ZNF609: variants seen among roughly 807,000 people sequenced by gnomAD.
The protein encoded by ZNF609 is zinc finger protein 609.
A neutral mutation model predicts 109.5 loss-of-function variants in ZNF609; 11 were observed. That is an observed-to-expected ratio of 0.10 (90% confidence interval 0.06 to 0.17). The LOEUF is 0.17. ZNF609 is among the 10% of genes least tolerant of loss of function. The pLI is 1.00. For missense variants in ZNF609, 1,559 were observed against 1,772.4 expected (o/e 0.88, Z 2.16); for synonymous variants, 646 against 662.0 (o/e 0.98, Z 0.37).
intron 2 of ZNF609, among the ~76,000 whole-genome samples, chr15:64,571,292 TG>T (rs1894856419): frequency 6.6e-6 from 1 of 152,162 alleles, no homozygotes; most frequent in Non-Finnish European, 1.5e-5. Flanking sequence ...ATACTGCCAC[TG>T]ATCATGGTGA....
At chr15:64,493,735 C>T (rs1189678032) in intron 1 of ZNF609, among the ~76,000 whole-genome samples, 1 of 152,124 alleles carries the variant, frequency 6.6e-6, no homozygotes, top group Non-Finnish European at 1.5e-5. Flanking sequence ...TTGTTAAATG[C>T]CTTGTGGTCT....
intron 2 of ZNF609, among the ~76,000 whole-genome samples, chr15:64,508,878 G>A (rs200304566): frequency 2.1e-5 from 3 of 145,310 alleles, no homozygotes; most frequent in Non-Finnish European, 4.6e-5. Context: ...AATTTTTTTA[G>A]AGACGGGGTC....
intron 2 of ZNF609, among the ~76,000 whole-genome samples, chr15:64,518,053 A>G (rs1893839346): frequency 6.6e-6 from 1 of 152,168 alleles, no homozygotes; most frequent in African/African-American, 2.4e-5. Flanking sequence ...AAGTGCTGGG[A>G]TTACAAGCGT....
chr15:64,594,266 GT>G (rs1235223873), intron 2 of ZNF609, among the ~76,000 whole-genome samples: 1 of 151,864 alleles, frequency 6.6e-6, no homozygotes, highest in Non-Finnish European at 1.5e-5. Flanking sequence ...ACTATGTTTT[GT>G]TTTGTTTTTT....
chr15:64,556,156 AT>A (rs34788011), intron 2 of ZNF609, among the ~76,000 whole-genome samples: 126,817 of 147,368 alleles, frequency 0.86, 55,596 homozygotes, highest in East Asian at 0.96. Flanking sequence ...CACCTGGCCA[AT>A]TTTTTTTTTT....
intron 3 of ZNF609, among the ~76,000 whole-genome samples, chr15:64,626,723 T>G (rs1421625318): frequency 6.6e-6 from 1 of 152,172 alleles, no homozygotes; most frequent in Admixed American, 6.5e-5. Flanking sequence ...TCCCTATCAC[T>G]CCCTTTAAAC....
intron 3 of ZNF609, among the ~76,000 whole-genome samples, chr15:64,669,037 G>A (rs527531778): frequency 6.6e-6 from 1 of 151,296 alleles, no homozygotes; most frequent in Non-Finnish European, 1.5e-5. Context: ...TATCAGATTG[G>A]CAAAGAACAA....
At chr15:64,479,356 A>G (rs887056016) in intron 1 of ZNF609, among the ~76,000 whole-genome samples, 1 of 133,238 alleles carries the variant, frequency 7.5e-6, no homozygotes, top group Admixed American at 9.0e-5. Context: ...CAGTGGCGCA[A>G]TCTCGGCTCA....
chr15:64,604,039 C>A (rs557013164), intron 2 of ZNF609, among the ~76,000 whole-genome samples: 1 of 151,544 alleles, frequency 6.6e-6, no homozygotes, highest in South Asian at 2.1e-4. Flanking sequence ...TGAAATGTCA[C>A]CTGCCTCTCC....
At chr15:64,497,125 A>G (rs770388681) in intron 1 of ZNF609, among the ~76,000 whole-genome samples, 3 of 152,132 alleles carry the variant, frequency 2.0e-5, no homozygotes, top group Non-Finnish European at 4.4e-5. Context: ...TAGAGTTATC[A>G]TTTCATAAGA....
intron 2 of ZNF609, among the ~76,000 whole-genome samples, chr15:64,562,140 C>A (rs1894691343): frequency 6.6e-6 from 1 of 152,212 alleles, no homozygotes; most frequent in African/African-American, 2.4e-5. Context: ...TTTACATTCT[C>A]CAGGGTCCAC....
In ZNF609 at chr15:64,564,612, G is replaced by GT. The variant is rs902025890; in HGVS notation, c.748-58205dup. On this transcript the variant is annotated intron_variant, in intron 2 of 9. Coordinates refer to ENST00000326648, the MANE Select transcript of ZNF609 (RefSeq NM_015042.2). ...TTGTGTTGTTTTTGTTTTTTGTGGG[G>GT]TTTTTTTTTTGTCATATTCACAAGG... is the stretch of plus-strand genomic sequence containing the variant. Among the ~76,000 whole-genome samples, 242 of 147,006 alleles carry GT rather than the reference G, an allele frequency of 1.6e-3. 1 individual carries two copies. Among genetic ancestry groups the GT allele is most frequent in the Middle Eastern group, 7.0e-3 (2 of 286 alleles).
intron 1 of ZNF609, among the ~76,000 whole-genome samples, chr15:64,466,030 C>T (rs898433895): frequency 2.0e-5 from 3 of 148,146 alleles, no homozygotes; most frequent in African/African-American, 7.5e-5. Flanking sequence ...GCAGGAGAAT[C>T]GCTTGAACCC....
chr15:64,564,740 C>T (rs371989949), intron 2 of ZNF609, among the ~76,000 whole-genome samples: 19 of 151,600 alleles, frequency 1.3e-4, no homozygotes, highest in East Asian at 7.7e-4. Context: ...AAACCAGATA[C>T]GTATAAGAGC....
intron 2 of ZNF609, among the ~76,000 whole-genome samples, chr15:64,533,278 T>C (rs553672074): frequency 6.6e-6 from 1 of 152,180 alleles, no homozygotes; most frequent in African/African-American, 2.4e-5. Flanking sequence ...CTCGAACTCA[T>C]GGGCTCAAGC....
chr15:64,644,423 G>A (rs912511154), intron 3 of ZNF609, among the ~76,000 whole-genome samples: 3 of 152,176 alleles, frequency 2.0e-5, no homozygotes, highest in Non-Finnish European at 2.9e-5. Context: ...AGGAGTGTGA[G>A]GTTACAGTGA....
chr15:64,585,364 A>G (rs943713458), intron 2 of ZNF609, among the ~76,000 whole-genome samples: 1 of 152,068 alleles, frequency 6.6e-6, no homozygotes, highest in Non-Finnish European at 1.5e-5. Context: ...CTGTGCCTTA[A>G]ACTTGTTTAG....
intron 2 of ZNF609, among the ~76,000 whole-genome samples, chr15:64,566,202 C>T (rs1894775446): frequency 6.6e-6 from 1 of 152,172 alleles, no homozygotes; most frequent in Admixed American, 6.5e-5. Context: ...AGGTGGCTCA[C>T]ACCTGAAATC....
intron 1 of ZNF609, among the ~76,000 whole-genome samples, chr15:64,461,630 T>C (rs931675757): frequency 6.6e-6 from 1 of 152,158 alleles, no homozygotes; most frequent in Non-Finnish European, 1.5e-5. Context: ...CATTTCAGCT[T>C]CGAGGAATTA....
Sources: gnomAD v4.1 joint callset for allele counts (sites outside exome capture counted in the v4.1 genomes callset) on GRCh38, gnomAD v4.1.1 for gene constraint, MANE v1.5 for transcripts, NCBI Gene and HGNC (gene_info 2026-07-23, HGNC 2026-07-21) for gene names.